The following PTPRG variants were observed in gnomAD, a reference collection of about 807,000 sequenced individuals.
PTPRG encodes protein tyrosine phosphatase receptor type G.
PTPRG carries 102 observed loss-of-function variants against 165.3 expected under a neutral mutation model. The ratio of observed to expected loss-of-function variants is 0.62; its 90% CI spans 0.53 to 0.73. PTPRG has a LOEUF of 0.73. PTPRG is among the 30% of genes least tolerant of loss of function. The pLI, the probability that PTPRG is intolerant of heterozygous loss-of-function variation, is 0.00. For missense variants in PTPRG, 1,866 were observed against 1,861.4 expected (o/e 1.00, Z -0.05); for synonymous variants, 675 against 669.5 (o/e 1.01, Z -0.13).
intron 2 of PTPRG, among the ~76,000 whole-genome samples, chr3:61,898,505 G>C (rs2038419304): frequency 6.6e-6 from 1 of 152,158 alleles, no homozygotes; most frequent in African/African-American, 2.4e-5. Context: ...ATTTGGGCAA[G>C]AAAAGTTGAA....
intron 2 of PTPRG, among the ~76,000 whole-genome samples, chr3:61,843,829 A>C (rs540501702): frequency 6.6e-6 from 1 of 152,192 alleles, no homozygotes; most frequent in African/African-American, 2.4e-5. Flanking sequence ...TTCTTTAAAA[A>C]AAAAAACAAA....
chr3:61,899,320 A>G (rs2038440054), intron 2 of PTPRG, among the ~76,000 whole-genome samples: 1 of 152,170 alleles, frequency 6.6e-6, no homozygotes, highest in African/African-American at 2.4e-5. Context: ...AGAATGAAAA[A>G]TAGGAGGTGG....
intron 2 of PTPRG, among the ~76,000 whole-genome samples, chr3:61,863,835 C>T (rs771736250): frequency 3.9e-4 from 59 of 152,172 alleles, no homozygotes; most frequent in Non-Finnish European, 1.6e-4. Flanking sequence ...TCCCACTTTC[C>T]ATAGAAAAGA....
intron 8 of PTPRG, among the ~76,000 whole-genome samples, chr3:62,185,894 G>A (rs1331445701): frequency 6.6e-6 from 1 of 152,172 alleles, no homozygotes; most frequent in African/African-American, 2.4e-5. Context: ...GGATTTGCAT[G>A]GGTCTGGCTC....
intron 1 of PTPRG, among the ~76,000 whole-genome samples, chr3:61,585,838 C>A (rs1399120691): frequency 6.6e-6 from 1 of 152,196 alleles, no homozygotes; most frequent in African/African-American, 2.4e-5. Flanking sequence ...TGATGAAGAT[C>A]CAAGTTCTGT....
chr3:62,155,213 A>G (rs1704490977), intron 6 of PTPRG, among the ~76,000 whole-genome samples: 1 of 152,218 alleles, frequency 6.6e-6, no homozygotes, highest in African/African-American at 2.4e-5. Context: ...TATTTTAGAA[A>G]AAGACGAATT....
chr3:61,992,671 G>C (rs181151522), intron 3 of PTPRG, among the ~76,000 whole-genome samples: 1 of 152,074 alleles, frequency 6.6e-6, no homozygotes, highest in Non-Finnish European at 1.5e-5. Context: ...AGGAGTGCGC[G>C]CCACCACCCC....
At chr3:61,715,982 A>G (rs1197690822) in intron 1 of PTPRG, among the ~76,000 whole-genome samples, 2 of 152,072 alleles carry the variant, frequency 1.3e-5, no homozygotes, top group African/African-American at 4.8e-5. Flanking sequence ...TCTCCTAGAC[A>G]TAAGAGGAGC....
chr3:61,897,787 T>A (rs1392661837), intron 2 of PTPRG, among the ~76,000 whole-genome samples: 1 of 152,230 alleles, frequency 6.6e-6, no homozygotes, highest in Non-Finnish European at 1.5e-5. Context: ...ATACTGTACA[T>A]GTTTTGTGTA....
At chr3:62,247,559 T>C (rs1037947404) in intron 15 of PTPRG, among the ~76,000 whole-genome samples, 1 of 152,144 alleles carries the variant, frequency 6.6e-6, no homozygotes, top group Non-Finnish European at 1.5e-5. Flanking sequence ...ATCTCCCCTC[T>C]CATCTCTGTT....
At chr3:62,058,424 G>C (rs1004639604) in intron 4 of PTPRG, among the ~76,000 whole-genome samples, 1 of 152,018 alleles carries the variant, frequency 6.6e-6, no homozygotes, top group Non-Finnish European at 1.5e-5. Context: ...TCCCACCTCA[G>C]TCTCTGAAAG....
intron 12 of PTPRG, among the ~76,000 whole-genome samples, chr3:62,206,310 C>T: frequency 6.6e-6 from 1 of 152,108 alleles, no homozygotes; most frequent in Non-Finnish European, 1.5e-5. Context: ...TCGGCTTCCA[C>T]CCTACAGAAA....
intron 4 of PTPRG, among the ~76,000 whole-genome samples, chr3:62,020,625 CTACT>C (rs1468053943): frequency 6.6e-6 from 1 of 152,080 alleles, no homozygotes; most frequent in African/African-American, 2.4e-5. Context: ...CAGTAAGTAG[CTACT>C]TACTGAGTCT....
intron 2 of PTPRG, among the ~76,000 whole-genome samples, chr3:61,942,091 G>A (rs2039645738): frequency 6.6e-6 from 1 of 151,746 alleles, no homozygotes; most frequent in African/African-American, 2.4e-5. Context: ...CCCTTGTGGT[G>A]GAGGTTGCGT....
At chr3:62,091,272 C>G (rs1225785974) in intron 5 of PTPRG, among the ~76,000 whole-genome samples, 2 of 152,184 alleles carry the variant, frequency 1.3e-5, no homozygotes, top group African/African-American at 2.4e-5. Context: ...AAAGTCTTAA[C>G]TAGTTGTTAT....
chr3:62,154,603 A>T (rs999889648), intron 6 of PTPRG, among the ~76,000 whole-genome samples: 1 of 151,974 alleles, frequency 6.6e-6, no homozygotes, highest in African/African-American at 2.4e-5. Flanking sequence ...TTATCTTTTG[A>T]TGCTCTTTAA....
intron 1 of PTPRG, among the ~76,000 whole-genome samples, chr3:61,586,917 A>G (rs987302098): frequency 6.6e-6 from 1 of 152,156 alleles, no homozygotes; most frequent in African/African-American, 2.4e-5. Flanking sequence ...GTCTGCTTCC[A>G]GCTCTCTGCC....
In PTPRG at chr3:61,883,815, A is replaced by G. The variant is rs76544932; in HGVS notation, c.191-105810A>G. On this transcript the variant is annotated intron_variant, in intron 2 of 29. Coordinates refer to ENST00000474889, the MANE Select transcript of PTPRG (RefSeq NM_002841.4). Reference sequence around the variant, plus strand: ...AGCCCCTACCTCTCAGGCTTAAGCAATCCTCCCCACCCCAGCCTCTCAAGT... The same window carrying G: ...AGCCCCTACCTCTCAGGCTTAAGCAGTCCTCCCCACCCCAGCCTCTCAAGT... Among the ~76,000 whole-genome samples, 1,140 of 152,100 alleles carry G rather than the reference A, an allele frequency of 7.5e-3. 12 individuals are homozygous for G. Among genetic ancestry groups the G allele is most frequent in the African/African-American group, 0.025 (1,047 of 41,500 alleles).
chr3:62,251,670 T>C (rs570532008), intron 15 of PTPRG, among the ~76,000 whole-genome samples: 34 of 152,118 alleles, frequency 2.2e-4, no homozygotes, highest in Non-Finnish European at 4.3e-4. Flanking sequence ...AATTATCAAG[T>C]GATATTTATC....
Sources: gnomAD v4.1 joint callset for allele counts (sites outside exome capture counted in the v4.1 genomes callset) on GRCh38, gnomAD v4.1.1 for gene constraint, MANE v1.5 for transcripts, NCBI Gene and HGNC (gene_info 2026-07-23, HGNC 2026-07-21) for gene names.